ANKRD33B: variants seen among roughly 807,000 people sequenced by gnomAD.
The protein encoded by ANKRD33B is ankyrin repeat domain 33B, also known as ankyrin repeat domain-containing protein 33B.
A neutral mutation model predicts 21.5 loss-of-function variants in ANKRD33B; 6 were observed. The ratio of observed to expected loss-of-function variants is 0.28; its 90% CI spans 0.15 to 0.55. The LOEUF (loss-of-function observed/expected upper bound fraction) is 0.55. Ranked by LOEUF, ANKRD33B falls within the 20% of genes least tolerant of loss-of-function variation. ANKRD33B has a pLI of 0.94. For missense variants in ANKRD33B, 698 were observed against 747.2 expected (o/e 0.93, Z 0.77); for synonymous variants, 347 against 342.4 (o/e 1.01, Z -0.15).
chr5:10,641,225 C>CTTCTTCTTCTTT (rs1553995125), intron 3 of ANKRD33B, among the ~76,000 whole-genome samples: 114 of 77,462 alleles, frequency 1.5e-3, no homozygotes, highest in Non-Finnish European at 2.1e-3. Flanking sequence ...TCTTCTTCTT[C>CTTCTTCTTCTTT]TTTTTTTTTT....
chr5:10,649,127 G>T, intron 3 of ANKRD33B, 139 bp from the exon 4 acceptor site: 1 of 1,409,432 alleles, frequency 7.1e-7, no homozygotes, highest in South Asian at 1.5e-5. Context: ...TTCGCAGAGT[G>T]AACTAGGTGC....
At chr5:10,645,051 G>A (rs1158454893) in intron 3 of ANKRD33B, among the ~76,000 whole-genome samples, 1 of 152,244 alleles carries the variant, frequency 6.6e-6, no homozygotes, top group East Asian at 1.9e-4. Flanking sequence ...TCTTTGAGGG[G>A]AGATGAGAAC....
At chr5:10,583,536 C>T (rs982296403) in intron 1 of ANKRD33B, among the ~76,000 whole-genome samples, 2 of 152,188 alleles carry the variant, frequency 1.3e-5, no homozygotes, top group African/African-American at 4.8e-5. Flanking sequence ...AGTCTCCAGA[C>T]ATTGCCAGTT....
chr5:10,618,242 G>T, intron 1 of ANKRD33B, 91 bp from the exon 2 acceptor site: 1 of 1,502,502 alleles, frequency 6.7e-7, no homozygotes, highest in Non-Finnish European at 8.9e-7. Context: ...CCAGCCCCCT[G>T]GAGGGTAGTG....
intron 2 of ANKRD33B, among the ~76,000 whole-genome samples, chr5:10,628,445 G>T (rs1359440457): frequency 1.3e-5 from 2 of 152,112 alleles, no homozygotes; most frequent in African/African-American, 4.8e-5. Flanking sequence ...GCCTCCCAAA[G>T]TGCTGGGATT....
At chr5:10,637,425 G>C (rs1006430062) in intron 2 of ANKRD33B, among the ~76,000 whole-genome samples, 14 of 100,392 alleles carry the variant, frequency 1.4e-4, no homozygotes, top group East Asian at 1.1e-3. Flanking sequence ...TAGGTAGTTA[G>C]ACACACACAC....
chr5:10,595,170 A>AT (rs1294523226), intron 1 of ANKRD33B, among the ~76,000 whole-genome samples: 5 of 152,130 alleles, frequency 3.3e-5, no homozygotes, highest in Non-Finnish European at 7.4e-5. Context: ...GGAGGGTTAC[A>AT]TCCTGAGCAG....
At chr5:10,574,183 A>G (rs1735266343) in intron 1 of ANKRD33B, among the ~76,000 whole-genome samples, 1 of 152,138 alleles carries the variant, frequency 6.6e-6, no homozygotes, top group Non-Finnish European at 1.5e-5. Context: ...CATATTTTCT[A>G]TTTTCTTTGT....
chr5:10,638,086 G>A lies in ANKRD33B; in HGVS notation c.555G>A (p.Arg185=). 8 of 1,537,554 alleles carry A rather than the reference G, an allele frequency of 5.2e-6. No individual in the cohort carries two copies. The highest frequency in any genetic ancestry group is 7.0e-6 in the Non-Finnish European group (8 of 1,146,946). ...LNYFPGLDLE[R]RNAFGFTALM... ...ATTTCCCTGGTCTTGACCTTGAAAG[G>A]AGGAACGCGTTCGGGTTCACCGCCC... The change falls in exon 3 of 4, where the codon AGG becomes AGA. Residue 185 remains arginine (R), a synonymous_variant. Coordinates refer to ENST00000296657, the MANE Select transcript of ANKRD33B (RefSeq NM_001164440.2).
Position 10,587,054 on chromosome 5 carries a change from G to A in ANKRD33B, c.366+22221G>A, listed in dbSNP as rs568293956. ...TTTTGAGATGGAGTCTCGCTCTGTCGCCCAAGCTGGAATGCAGTTGTGCGA... is the reference window on the plus strand; with the variant it reads ...TTTTGAGATGGAGTCTCGCTCTGTCACCCAAGCTGGAATGCAGTTGTGCGA... On this transcript the variant is annotated intron_variant, in intron 1 of 3. Transcript: ENST00000296657. Among the ~76,000 whole-genome samples, 10 of 151,902 alleles carry A rather than the reference G, an allele frequency of 6.6e-5. No individual in the cohort carries two copies. In the East Asian group the frequency reaches 7.7e-4, roughly 12 times the overall value.
At chr5:10,630,326 C>A (rs1486990315) in intron 2 of ANKRD33B, among the ~76,000 whole-genome samples, 1 of 152,210 alleles carries the variant, frequency 6.6e-6, no homozygotes, top group African/African-American at 2.4e-5. Context: ...GAGCAGCGAG[C>A]CAGCCTGGGC....
rs59222148 is a variant in ANKRD33B at position 10,637,425 on chromosome 5, G to GACACACACACACACACACAC, written c.497-584_497-565dup. On this transcript the variant is annotated intron_variant, in intron 2 of 3. Coordinates refer to ENST00000296657, the MANE Select transcript of ANKRD33B (RefSeq NM_001164440.2). ...GGATGTGTGTGGGCGTAGGTAGTTA[G>GACACACACACACACACACAC]ACACACACACACACACACACACACA... is the stretch of plus-strand genomic sequence containing the variant. 3.2e-3 allele frequency among the ~76,000 whole-genome samples: 322 copies of GACACACACACACACACACAC among 100,380 alleles called. 7 individuals are homozygous for GACACACACACACACACACAC. The highest frequency in any genetic ancestry group is 0.013 in the African/African-American group (290 of 23,006). The allele number at this position is 100,380 out of a possible 152,430, so 65.9% of individuals were successfully genotyped here. A position where few individuals can be genotyped will look rare whatever the true frequency, so the allele number is the denominator to read the frequency against.
intron 2 of ANKRD33B, among the ~76,000 whole-genome samples, chr5:10,623,217 T>C (rs1350414709): frequency 6.6e-6 from 1 of 152,120 alleles, no homozygotes. Context: ...TCTCAAAGCG[T>C]CCCCATAGAC....
chr5:10,613,265 C>CT (rs1396819188), intron 1 of ANKRD33B, among the ~76,000 whole-genome samples: 5 of 146,808 alleles, frequency 3.4e-5, no homozygotes, highest in Admixed American at 7.0e-5. Context: ...TATTGTAAAA[C>CT]TATTTCTTAA....
In ANKRD33B at chr5:10,644,791, A is replaced by G. The variant is rs574932694; in HGVS notation, c.638-4475A>G. ...TAGCCAGAGAAAGGATGAAAAGTCA[A>G]GCATTCTGTGTCACCTGCAAAGCAA... On this transcript the variant is annotated intron_variant, in intron 3 of 3. Coordinates refer to ENST00000296657, the MANE Select transcript of ANKRD33B (RefSeq NM_001164440.2). Among the ~76,000 whole-genome samples the G allele has an allele frequency of 7.9e-5, 12 of 152,364 alleles. No individual in the cohort carries two copies. The South Asian group carries it at 2.3e-3, about 29-fold the overall frequency.
chr5:10,612,870 G>A (rs1736201569), intron 1 of ANKRD33B, among the ~76,000 whole-genome samples: 1 of 152,206 alleles, frequency 6.6e-6, no homozygotes, highest in Non-Finnish European at 1.5e-5. Context: ...TAGAAATATA[G>A]TAGCTCTTTA....
intron 1 of ANKRD33B, among the ~76,000 whole-genome samples, chr5:10,578,498 G>T (rs758285320): frequency 7.9e-5 from 12 of 152,156 alleles, no homozygotes; most frequent in Non-Finnish European, 1.6e-4. Flanking sequence ...CCAGCCAAGG[G>T]CAGGACCCGC....
chr5:10,639,955 C>T (rs1287038879), intron 3 of ANKRD33B, among the ~76,000 whole-genome samples: 1 of 55,304 alleles, frequency 1.8e-5, no homozygotes, highest in East Asian at 6.8e-4. Flanking sequence ...CGTGGAGTTG[C>T]GCGGTGATGT....
chr5:10,569,912 T>C (rs1340794104), intron 1 of ANKRD33B, among the ~76,000 whole-genome samples: 1 of 152,226 alleles, frequency 6.6e-6, no homozygotes, highest in Non-Finnish European at 1.5e-5. Context: ...AGTCTCGCTC[T>C]GTCACCCAGT....
Sources: gnomAD v4.1 joint callset for allele counts (sites outside exome capture counted in the v4.1 genomes callset) on GRCh38, gnomAD v4.1.1 for gene constraint, MANE v1.5 for transcripts, NCBI Gene and HGNC (gene_info 2026-07-23, HGNC 2026-07-21) for gene names.